The following ZNF84 variants were observed in gnomAD, a reference collection of about 807,000 sequenced individuals.
The protein encoded by ZNF84 is zinc finger protein 84.
In ZNF84, 12 loss-of-function variants were observed where a neutral mutation model predicts 14.8. The ratio of observed to expected loss-of-function variants is 0.81; its 90% CI spans 0.52 to 1.31. The LOEUF (loss-of-function observed/expected upper bound fraction) is 1.31, where lower values mean the gene tolerates loss of function less well. Among genes scored for constraint, ZNF84 ranks in the 50% most tolerant of loss-of-function variants. The pLI is 0.00. For missense variants in ZNF84, 859 were observed against 878.6 expected (o/e 0.98, Z 0.28); for synonymous variants, 347 against 291.1 (o/e 1.19, Z -1.96).
Position 133,048,025 on chromosome 12 carries a change from AG to A in ZNF84, c.87del (p.Lys30ArgfsTer7). On this transcript the variant is annotated frameshift_variant, in exon 3 of 5. Coordinates refer to ENST00000539354, the MANE Select transcript of ZNF84 (RefSeq NM_001289971.2). LOFTEE classifies it high-confidence loss of function. ...GAGTGGCAGCTACTGGATCCCTCTC[AG>A]AAGAATTTATACAAGGATGTGATGT... ...QKEWQLLDPSQKNLYKDVMLE... is the reference protein window; with the variant it reads ...QKEWQLLDPSXKNLYKDVMLE... The A allele has an allele frequency of 1.2e-6, 2 of 1,614,120 alleles. No individual in the cohort carries two copies. The highest frequency in any genetic ancestry group is 3.3e-5 in the Admixed American group (2 of 60,026).
At chr12:133,048,406 C>T (rs7307820) in intron 3 of ZNF84, 177 of 284,244 alleles carry the variant, frequency 6.2e-4, no homozygotes, top group African/African-American at 3.4e-3. Context: ...CTCATTTAGT[C>T]ATCAGAGCAA....
At position 133,061,829 on chromosome 12, in the gene ZNF84, A is replaced by T. The variant is rs1382566113; in HGVS notation, c.*2897A>T. ...GAGGTCTAGTTAAAAACTGATGCAG[A>T]GGTTCAAATACGTTGTGCAGTAATC... On this transcript the variant is annotated 3_prime_UTR_variant, in exon 5 of 5. Coordinates refer to ENST00000539354, the MANE Select transcript of ZNF84 (RefSeq NM_001289971.2). 6.6e-6 allele frequency: 1 copy of T among 152,342 alleles called. No individual in the cohort carries two copies. 9.4% of individuals were successfully genotyped at this position (152,342 alleles called of 1,614,324 possible). A position where few individuals can be genotyped will look rare whatever the true frequency, so the allele number is the denominator to read the frequency against.
Position 133,062,798 on chromosome 12 carries a change from A to C in ZNF84, c.*3866A>C. On this transcript the variant is annotated 3_prime_UTR_variant, in exon 5 of 5. Coordinates refer to ENST00000539354, the MANE Select transcript of ZNF84 (RefSeq NM_001289971.2). ...TGCCTATCTATCTATCATTTCTGAA[A>C]ACTTTTTCCTCCTATGCAATATTTT... The C allele has an allele frequency of 2.7e-6, 1 of 373,976 alleles. No individual in the cohort carries two copies. The highest frequency in any genetic ancestry group is 4.8e-6 in the Non-Finnish European group (1 of 206,212). The allele number at this position is 373,976 out of a possible 1,614,324, so 23.2% of individuals were successfully genotyped here.
intron 4 of ZNF84, among the ~76,000 whole-genome samples, chr12:133,052,146 G>T (rs1462756072): frequency 6.6e-6 from 1 of 152,050 alleles, no homozygotes. Flanking sequence ...CCATATTCTG[G>T]GGAGCTTAAA....
In ZNF84 at chr12:133,057,639, G is replaced by T. The variant is rs1021191098; in HGVS notation, c.924G>T (p.Ser308=). 6.2e-7 allele frequency: 1 copy of T among 1,612,792 alleles called. No individual in the cohort carries two copies. Among genetic ancestry groups the T allele is most frequent in the Non-Finnish European group, 8.5e-7 (1 of 1,179,680 alleles). The change falls in exon 5 of 5, where the codon TCG becomes TCT. Residue 308 remains serine, a synonymous_variant. Coordinates refer to ENST00000539354, the MANE Select transcript of ZNF84 (RefSeq NM_001289971.2). ...KAFSRKSHLI[S]HWRTHTGEKP... ...TCTCCCGGAAGTCACATCTCATATC[G>T]CATTGGAGAACACACACAGGAGAGA...
chr12:133,057,054 T>A lies in ZNF84; in HGVS notation c.339T>A (p.Asn113Lys). The change falls in exon 5 of 5, where the codon AAT becomes AAA. Residue 113 changes from asparagine to lysine, a missense_variant. Transcript: ENST00000539354. ...ATGAATGTGATGCATTTGGAAAAAA[T>A]TTCAATCTGAACATGAACTTTGTTC... ...RGHECDAFGK[N>K]FNLNMNFVPL... is the part of the protein sequence containing the mutation. The A allele has an allele frequency of 1.1e-5, 18 of 1,613,022 alleles. No individual in the cohort carries two copies. Among genetic ancestry groups the A allele is most frequent in the Non-Finnish European group, 1.3e-5 (15 of 1,179,756 alleles).
intron 4 of ZNF84, among the ~76,000 whole-genome samples, chr12:133,053,709 C>T (rs1478825540): frequency 3.3e-5 from 5 of 152,132 alleles, no homozygotes; most frequent in Non-Finnish European, 7.4e-5. Flanking sequence ...CACCACTAAA[C>T]TCCAGCCTGA....
Position 133,057,639 on chromosome 12 carries a change from G to A in ZNF84, c.924G>A (p.Ser308=), listed in dbSNP as rs1021191098. 38 of 1,612,672 alleles carry A rather than the reference G, an allele frequency of 2.4e-5. No individual in the cohort carries two copies. Among genetic ancestry groups the A allele is most frequent in the Admixed American group, 2.2e-4 (13 of 59,844 alleles). Residue 308 remains serine (S), a synonymous_variant, in exon 5 of 5, where the codon TCG becomes TCA. Transcript: ENST00000539354. ...KAFSRKSHLI[S]HWRTHTGEKP... ...TCTCCCGGAAGTCACATCTCATATC[G>A]CATTGGAGAACACACACAGGAGAGA...
At chr12:133,047,723 A>G in intron 2 of ZNF84, 1 of 366,868 alleles carries the variant, frequency 2.7e-6, no homozygotes, top group Non-Finnish European at 5.2e-6. Context: ...TTCCCAAACA[A>G]ACATCATTTT....
chr12:133,041,444 G>C lies in ZNF84; in HGVS notation c.-24G>C. On this transcript the variant is annotated 5_prime_UTR_variant, in exon 2 of 5. Transcript: ENST00000539354. ...CAGTAGAACCGATCTCAGCCTTGCT[G>C]ATCATCTCGTACAGCAGCAGAAAAT... 1.9e-6 allele frequency: 3 copies of C among 1,614,074 alleles called. No individual in the cohort carries two copies. Among genetic ancestry groups the C allele is most frequent in the Non-Finnish European group, 2.5e-6 (3 of 1,179,910 alleles).
At chr12:133,048,441 A>G (rs899428486) in intron 3 of ZNF84, 1 of 293,036 alleles carries the variant, frequency 3.4e-6, no homozygotes, top group Non-Finnish European at 6.5e-6. Flanking sequence ...TACAGTCATT[A>G]TCCATTTTTC....
At position 133,041,277 on chromosome 12, in the gene ZNF84, G is replaced by C; in HGVS notation, c.-190-1G>C. The C allele has an allele frequency of 1.7e-6, 1 of 579,222 alleles. No individual in the cohort carries two copies. Among genetic ancestry groups the C allele is most frequent in the Non-Finnish European group, 3.1e-6 (1 of 324,626 alleles). The allele number at this position is 579,222 out of a possible 1,614,324, so 35.9% of individuals were successfully genotyped here. A position where few individuals can be genotyped will look rare whatever the true frequency, so the allele number is the denominator to read the frequency against. Reference sequence around the variant, plus strand: ...CCAGTTGAAGTACATTTCTCCCGAAGTCCACAGATCCTGGTCCCTACAAAT... The same window carrying C: ...CCAGTTGAAGTACATTTCTCCCGAACTCCACAGATCCTGGTCCCTACAAAT... On this transcript the variant is annotated splice_acceptor_variant, in intron 1 of 4. Coordinates refer to ENST00000539354, the MANE Select transcript of ZNF84 (RefSeq NM_001289971.2). LOFTEE classifies it low-confidence loss of function (5UTR_SPLICE).
rs1033745169 is a variant in ZNF84, at chr12:133,063,071, G to A, written c.*4139G>A. The A allele has an allele frequency of 2.9e-6, 2 of 701,544 alleles. No individual in the cohort carries two copies. Among genetic ancestry groups the A allele is most frequent in the Non-Finnish European group, 5.2e-6 (2 of 384,284 alleles). 43.5% of individuals were successfully genotyped at this position (701,544 alleles called of 1,614,324 possible). On this transcript the variant is annotated 3_prime_UTR_variant, in exon 5 of 5. Transcript: ENST00000539354. ...TGCATCACAAGCTATATTTAAATGT[G>A]GGTGCAGTGAGTGGCTGTTTTCTGC...
In ZNF84 at chr12:133,059,180, G is replaced by C. The variant is rs1954215385; in HGVS notation, c.*248G>C. 4.8e-6 allele frequency: 2 copies of C among 420,466 alleles called. No individual in the cohort carries two copies. The highest frequency in any genetic ancestry group is 3.4e-5 in the East Asian group (1 of 29,118). 26.0% of individuals were successfully genotyped at this position (420,466 alleles called of 1,614,324 possible). ...AGAGTAGAACATTCACAGCAAAGAA[G>C]AATCCTGTGAATGTCCAAAAGCCTT... is the stretch of plus-strand genomic sequence containing the variant. On this transcript the variant is annotated 3_prime_UTR_variant, in exon 5 of 5. Coordinates refer to ENST00000539354, the MANE Select transcript of ZNF84 (RefSeq NM_001289971.2).
chr12:133,062,996 C>CT lies in ZNF84; in HGVS notation c.*4065dup. ...ATCATTGCATGTTTTATCTTTCCCA[C>CT]TAGAAAGCTTCTAGAAAGCTAGTAC... is the stretch of plus-strand genomic sequence containing the variant. On this transcript the variant is annotated 3_prime_UTR_variant, in exon 5 of 5. Coordinates refer to ENST00000539354, the MANE Select transcript of ZNF84 (RefSeq NM_001289971.2). The CT allele has an allele frequency of 1.5e-6, 1 of 659,062 alleles. No individual in the cohort carries two copies. The highest frequency in any genetic ancestry group is 1.7e-5 in the South Asian group (1 of 59,614). The allele number at this position is 659,062 out of a possible 1,614,324, so 40.8% of individuals were successfully genotyped here.
chr12:133,042,017 C>A (rs1435976740), intron 2 of ZNF84, among the ~76,000 whole-genome samples: 3 of 152,172 alleles, frequency 2.0e-5, no homozygotes, highest in African/African-American at 7.2e-5. Context: ...TAAATTGCTT[C>A]CTGTTCTGAG....
In ZNF84 at chr12:133,058,567, C is replaced by A; in HGVS notation, c.1852C>A (p.Leu618Met). The A allele has an allele frequency of 6.2e-7, 1 of 1,614,066 alleles. No individual in the cohort carries two copies. Among genetic ancestry groups the A allele is most frequent in the Non-Finnish European group, 8.5e-7 (1 of 1,179,988 alleles). ...FFEKSELIRH[L>M]RTHTGEKPYE... Reference sequence around the variant, plus strand: ...TGAGAAGTCGGAGCTAATTAGACATCTGAGAACTCATACAGGAGAAAAACC... The same window carrying A: ...TGAGAAGTCGGAGCTAATTAGACATATGAGAACTCATACAGGAGAAAAACC... Residue 618 changes from leucine to methionine, a missense_variant, in exon 5 of 5, where the codon CTG becomes ATG. By Grantham distance (15) the Leu-to-Met change is conservative. Transcript: ENST00000539354.
chr12:133,046,347 GTTTTTTTTTTTTTTTT>G (rs58214468), intron 2 of ZNF84, among the ~76,000 whole-genome samples: 6 of 116,406 alleles, frequency 5.2e-5, no homozygotes, highest in African/African-American at 7.2e-5. Flanking sequence ...AGTCCTCACA[GTTTTTTTTTTTTTTTT>G]TTTTTTTTTT....
Position 133,057,729 on chromosome 12 carries a change from G to A in ZNF84, c.1014G>A (p.Gln338=). The A allele has an allele frequency of 6.2e-7, 1 of 1,614,044 alleles. No individual in the cohort carries two copies. The highest frequency in any genetic ancestry group is 8.5e-7 in the Non-Finnish European group (1 of 1,180,014). The change falls in exon 5 of 5, where the codon CAG becomes CAA. Residue 338 remains glutamine, a synonymous_variant. Transcript: ENST00000539354. ...FSEKSNLINH[Q]RIHTGEKPFE... ...AAAAGTCCAATCTCATTAACCATCAGAGAATTCATACCGGTGAGAAGCCTT... is the reference window on the plus strand; with the variant it reads ...AAAAGTCCAATCTCATTAACCATCAAAGAATTCATACCGGTGAGAAGCCTT...
Sources: allele counts gnomAD v4.1 joint callset (sites outside exome capture counted in the v4.1 genomes callset), GRCh38; gene constraint gnomAD v4.1.1; transcripts MANE v1.5; gene names NCBI Gene and HGNC (gene_info 2026-07-23, HGNC 2026-07-21).